GPC6: variants seen among roughly 807,000 people sequenced by gnomAD.
GPC6 encodes glypican-6.
In GPC6, 14 loss-of-function variants were observed where a neutral mutation model predicts 55.2. The observed-to-expected ratio is 0.25, with a 90% CI of 0.17 to 0.40. GPC6 has a LOEUF of 0.40. Among genes scored for constraint, GPC6 ranks in the 10% least tolerant of loss-of-function variants. GPC6 has a pLI of 1.00. For synonymous variants in GPC6, 278 were observed against 259.6 expected (o/e 1.07, Z -0.68); for missense variants, 641 against 708.5 (o/e 0.90, Z 1.08).
intron 4 of GPC6, among the ~76,000 whole-genome samples, chr13:94,168,656 A>G (rs1888452324): frequency 6.7e-6 from 1 of 148,444 alleles, no homozygotes; most frequent in Non-Finnish European, 1.5e-5. Context: ...ATTTATTTAT[A>G]TGTCCATATA....
chr13:93,978,595 A>G (rs1880629982), intron 3 of GPC6, among the ~76,000 whole-genome samples: 1 of 152,166 alleles, frequency 6.6e-6, no homozygotes, highest in Non-Finnish European at 1.5e-5. Context: ...ACATATATAC[A>G]TACATATTGT....
intron 4 of GPC6, among the ~76,000 whole-genome samples, chr13:94,100,004 A>C (rs904133712): frequency 1.4e-4 from 22 of 152,124 alleles, no homozygotes; most frequent in Admixed American, 3.9e-4. Flanking sequence ...AAAGATAGCT[A>C]TTGGCTACTG....
At chr13:93,627,301 G>C (rs1879243409) in intron 2 of GPC6, among the ~76,000 whole-genome samples, 1 of 152,080 alleles carries the variant, frequency 6.6e-6, no homozygotes, top group Non-Finnish European at 1.5e-5. Context: ...ATGGTTTCCA[G>C]CTTCATCCAT....
In GPC6 at chr13:93,881,349, G is replaced by T. The variant is rs530918598; in HGVS notation, c.711+50804G>T. 5.5e-4 allele frequency among the ~76,000 whole-genome samples: 83 copies of T among 152,232 alleles called. 3 individuals carry two copies. The South Asian group carries it at 0.017, about 31-fold the overall frequency. On this transcript the variant is annotated intron_variant, in intron 3 of 8. Coordinates refer to ENST00000377047, the MANE Select transcript of GPC6 (RefSeq NM_005708.5). ...AGAATTGTGGTGAAAAAGACTTGCAGACGTAATGAGTAGCCTTCTTTCCCT... is the reference window on the plus strand; with the variant it reads ...AGAATTGTGGTGAAAAAGACTTGCATACGTAATGAGTAGCCTTCTTTCCCT...
At chr13:94,356,807 C>T (rs1878818556) in intron 6 of GPC6, among the ~76,000 whole-genome samples, 2 of 152,014 alleles carry the variant, frequency 1.3e-5, no homozygotes, top group South Asian at 2.1e-4. Context: ...AAGGTTGAGG[C>T]GGGAGGGTTG....
chr13:93,533,569 A>G (rs1190996088), intron 1 of GPC6, among the ~76,000 whole-genome samples: 1 of 152,190 alleles, frequency 6.6e-6, no homozygotes, highest in Non-Finnish European at 1.5e-5. Context: ...TCTGAAATAA[A>G]TATTGCCCTC....
At chr13:93,994,465 T>C (rs1165170297) in intron 3 of GPC6, among the ~76,000 whole-genome samples, 1 of 152,244 alleles carries the variant, frequency 6.6e-6, no homozygotes, top group Non-Finnish European at 1.5e-5. Flanking sequence ...TTTGCCCTAA[T>C]AGTTCAATTC....
intron 2 of GPC6, among the ~76,000 whole-genome samples, chr13:93,725,770 G>T (rs1883614908): frequency 6.6e-6 from 1 of 151,886 alleles, no homozygotes; most frequent in Non-Finnish European, 1.5e-5. Flanking sequence ...CTAGCCATTT[G>T]TAAAATACCA....
At chr13:93,667,023 G>T (rs1018636935) in intron 2 of GPC6, among the ~76,000 whole-genome samples, 1 of 151,676 alleles carries the variant, frequency 6.6e-6, no homozygotes, top group Admixed American at 6.6e-5. Context: ...TGCTGTATTT[G>T]AAAAAAAGAA....
At chr13:93,877,287 A>G (rs779604364) in intron 3 of GPC6, among the ~76,000 whole-genome samples, 2 of 152,046 alleles carry the variant, frequency 1.3e-5, no homozygotes, top group Non-Finnish European at 2.9e-5. Flanking sequence ...ATGAATTCCT[A>G]TAACTAGTGA....
chr13:93,417,850 A>T (rs1299577037), intron 1 of GPC6, among the ~76,000 whole-genome samples: 1 of 152,082 alleles, frequency 6.6e-6, no homozygotes, highest in African/African-American at 2.4e-5. Flanking sequence ...GGACAAAAAA[A>T]TAAAAAATAA....
chr13:94,205,051 C>A (rs1232223525), intron 4 of GPC6, among the ~76,000 whole-genome samples: 7 of 152,158 alleles, frequency 4.6e-5, no homozygotes, highest in African/African-American at 1.4e-4. Flanking sequence ...TTGGTGACCA[C>A]AAATAATAGG....
chr13:93,545,607 C>A (rs922666211), intron 2 of GPC6, among the ~76,000 whole-genome samples, 186 bp downstream of exon 2: 5 of 149,448 alleles, frequency 3.3e-5, no homozygotes, highest in African/African-American at 1.2e-4. Flanking sequence ...TTAGTAATAT[C>A]TTGGTAAAAC....
intron 4 of GPC6, among the ~76,000 whole-genome samples, chr13:94,128,565 T>C (rs2183098): frequency 0.17 from 26,008 of 152,150 alleles, 2,582 homozygotes; most frequent in Non-Finnish European, 0.22. Context: ...TCATTCTGAC[T>C]GCAGGAAAGA....
chr13:93,561,201 T>A (rs937211556), intron 2 of GPC6, among the ~76,000 whole-genome samples: 14 of 152,018 alleles, frequency 9.2e-5, no homozygotes, highest in African/African-American at 3.4e-4. Flanking sequence ...CATTTCACAT[T>A]CAGTGAAGAA....
At chr13:94,238,713 G>A (rs796848945) in intron 4 of GPC6, among the ~76,000 whole-genome samples, 9 of 152,260 alleles carry the variant, frequency 5.9e-5, no homozygotes, top group African/African-American at 2.2e-4. Context: ...AAAGATATAA[G>A]CGAGGGTCTC....
chr13:93,860,458 T>A (rs1888774336), intron 3 of GPC6, among the ~76,000 whole-genome samples: 1 of 151,620 alleles, frequency 6.6e-6, no homozygotes, highest in South Asian at 2.1e-4. Flanking sequence ...AATAGGGTAG[T>A]TTTTTCTGGA....
intron 2 of GPC6, among the ~76,000 whole-genome samples, chr13:93,692,468 T>C (rs1192358769): frequency 1.3e-5 from 2 of 152,118 alleles, no homozygotes; most frequent in East Asian, 1.9e-4. Context: ...CTGTTGATAG[T>C]GAATGGCCTG....
At chr13:93,341,405 A>C (rs1252222467) in intron 1 of GPC6, among the ~76,000 whole-genome samples, 2 of 152,150 alleles carry the variant, frequency 1.3e-5, no homozygotes, top group African/African-American at 4.8e-5. Flanking sequence ...CCATGCCAAC[A>C]TCTATTGTTT....
Sources: gnomAD v4.1 joint callset for allele counts (sites outside exome capture counted in the v4.1 genomes callset) on GRCh38, gnomAD v4.1.1 for gene constraint, MANE v1.5 for transcripts, NCBI Gene and HGNC (gene_info 2026-07-23, HGNC 2026-07-21) for gene names.